The following SSBP3 variants were observed in gnomAD, a reference collection of about 807,000 sequenced individuals.
The protein encoded by SSBP3 is single-stranded DNA-binding protein 3.
In SSBP3, 5 loss-of-function variants were observed where a neutral mutation model predicts 69.6. That is an observed-to-expected ratio of 0.07 (90% CI 0.04 to 0.15). SSBP3 has a LOEUF of 0.15. Ranked by LOEUF, SSBP3 falls within the 10% of genes least tolerant of loss-of-function variation. The probability of loss-of-function intolerance (pLI) is 1.00; values close to 1 mark genes in which losing one functional copy is unlikely to be tolerated. For synonymous variants in SSBP3, 196 were observed against 193.4 expected (o/e 1.01, Z -0.11); for missense variants, 312 against 534.0 (o/e 0.58, Z 4.10).
intron 4 of SSBP3, among the ~76,000 whole-genome samples, chr1:54,316,963 T>C (rs925368537): frequency 6.6e-6 from 1 of 152,234 alleles, no homozygotes; most frequent in East Asian, 1.9e-4. Context: ...ATTCCATTCA[T>C]GACGATGGAG....
chr1:54,319,124 G>C (rs1415893307), intron 4 of SSBP3, among the ~76,000 whole-genome samples: 1 of 152,164 alleles, frequency 6.6e-6, no homozygotes, highest in African/African-American at 2.4e-5. Flanking sequence ...GGACCTGCAG[G>C]TGCTTCTACA....
intron 5 of SSBP3, among the ~76,000 whole-genome samples, chr1:54,279,210 T>C (rs1442788579): frequency 6.6e-6 from 1 of 152,174 alleles, no homozygotes; most frequent in African/African-American, 2.4e-5. Flanking sequence ...TCGCCGTGCC[T>C]GGGAAAACAG....
intron 5 of SSBP3, among the ~76,000 whole-genome samples, chr1:54,271,820 C>T (rs1645199201): frequency 6.6e-6 from 1 of 152,068 alleles, no homozygotes; most frequent in African/African-American, 2.4e-5. Flanking sequence ...TCTAGGCTGG[C>T]ATGCAATGGT....
intron 4 of SSBP3, among the ~76,000 whole-genome samples, chr1:54,341,184 G>A (rs1646600296): frequency 6.6e-6 from 1 of 152,178 alleles, no homozygotes; most frequent in African/African-American, 2.4e-5. Context: ...ACTGTTGTGT[G>A]GTCTTGGCAA....
chr1:54,275,186 G>T (rs1186393547), intron 5 of SSBP3, among the ~76,000 whole-genome samples: 1 of 152,166 alleles, frequency 6.6e-6, no homozygotes, highest in Non-Finnish European at 1.5e-5. Flanking sequence ...CTGACCGAGG[G>T]GCTAAGGGAC....
At chr1:54,337,692 C>T (rs949058728) in intron 4 of SSBP3, among the ~76,000 whole-genome samples, 1 of 151,812 alleles carries the variant, frequency 6.6e-6, no homozygotes, top group Non-Finnish European at 1.5e-5. Context: ...GACAGAGTTT[C>T]ACCATGTTGG....
chr1:54,237,636 A>G (rs1367741925), intron 14 of SSBP3: 1 of 155,416 alleles, frequency 6.4e-6, no homozygotes, highest in Non-Finnish European at 1.4e-5. Flanking sequence ...TGGTCATTTA[A>G]CCTTCTTTCC....
chr1:54,412,349 A>T (rs1201856302), intron 1 of SSBP3, among the ~76,000 whole-genome samples: 2 of 152,190 alleles, frequency 1.3e-5, no homozygotes, highest in Non-Finnish European at 2.9e-5. Context: ...AAAAATAAAT[A>T]AATTAAATAA....
At chr1:54,391,091 T>C (rs1443916106) in intron 4 of SSBP3, among the ~76,000 whole-genome samples, 2 of 152,194 alleles carry the variant, frequency 1.3e-5, no homozygotes, top group Non-Finnish European at 2.9e-5. Flanking sequence ...GTGGAGGTTT[T>C]CTCAAGTCAG....
intron 4 of SSBP3, among the ~76,000 whole-genome samples, chr1:54,358,646 C>G (rs113146234): frequency 6.6e-6 from 1 of 152,092 alleles, no homozygotes; most frequent in African/African-American, 2.4e-5. Flanking sequence ...TGAAGACATC[C>G]GAACGAACAA....
chr1:54,406,163 T>TCC, exon 1 of SSBP3: 2 of 442,994 alleles, frequency 4.5e-6, no homozygotes, highest in Non-Finnish European at 7.4e-6. Flanking sequence ...CTCCCCTCCC[T>TCC]CCCCCCCAGG....
At chr1:54,388,598 G>A (rs1468936555) in intron 4 of SSBP3, among the ~76,000 whole-genome samples, 1 of 152,190 alleles carries the variant, frequency 6.6e-6, no homozygotes, top group Non-Finnish European at 1.5e-5. Context: ...GATGATTTCC[G>A]GACTCGCTGT....
intron 4 of SSBP3, among the ~76,000 whole-genome samples, chr1:54,388,666 C>T (rs1384416882): frequency 6.6e-6 from 1 of 152,184 alleles, no homozygotes; most frequent in Non-Finnish European, 1.5e-5. Context: ...ATATGGGACC[C>T]CTGCCTTGGG....
chr1:54,355,319 G>C, intron 4 of SSBP3, among the ~76,000 whole-genome samples: 1 of 152,162 alleles, frequency 6.6e-6, no homozygotes, highest in East Asian at 1.9e-4. Flanking sequence ...ACCAACCACA[G>C]ACATTACAGG....
intron 9 of SSBP3, 101 bp downstream of exon 9, chr1:54,251,515 G>C (rs759872095): frequency 3.1e-6 from 4 of 1,286,966 alleles, no homozygotes; most frequent in African/African-American, 3.0e-5. Flanking sequence ...TCACCCCTGC[G>C]AACTGAGAGA....
chr1:54,258,031 C>G lies in SSBP3; in HGVS notation c.447+38G>C. On this transcript the variant is annotated intron_variant, in intron 6 of 17. Coordinates refer to ENST00000610401, the Ensembl canonical transcript of SSBP3. The surrounding 1 kb of genome is among the most constrained non-coding windows in gnomAD (Gnocchi z 4.5). ...CGGGCTCTCTGCTTCCTCCGCGCCC[C>G]GCGTCCCCGGCGGGCGGGAGCGCCA... The G allele has an allele frequency of 6.4e-7, 1 of 1,553,600 alleles. No individual in the cohort carries two copies. Among genetic ancestry groups the G allele is most frequent in the Non-Finnish European group, 8.7e-7 (1 of 1,147,818 alleles).
intron 12 of SSBP3, 56 bp from the exon 13 acceptor site, chr1:54,241,015 G>T: frequency 1.3e-6 from 2 of 1,557,054 alleles, no homozygotes; most frequent in South Asian, 2.4e-5. Flanking sequence ...AACATGGGGA[G>T]GGGCCGGCAT....
chr1:54,388,099 C>T (rs1170129767), intron 4 of SSBP3, among the ~76,000 whole-genome samples: 1 of 152,140 alleles, frequency 6.6e-6, no homozygotes, highest in Non-Finnish European at 1.5e-5. Flanking sequence ...GGTTTATCTG[C>T]ATTCATCTCA....
At chr1:54,367,200 G>A (rs368635885) in intron 4 of SSBP3, among the ~76,000 whole-genome samples, 2 of 152,244 alleles carry the variant, frequency 1.3e-5, no homozygotes, top group East Asian at 3.9e-4. Context: ...GATCTACTTG[G>A]GCAAAAGATA....
Sources: gnomAD v4.1 joint callset for allele counts (sites outside exome capture counted in the v4.1 genomes callset) on GRCh38, gnomAD v4.1.1 for gene constraint, Gnocchi (gnomAD v3.1) non-coding constraint, MANE v1.5 for transcripts, NCBI Gene and HGNC (gene_info 2026-07-23, HGNC 2026-07-21) for gene names.